Variants in ERC2 observed in about 807,000 individuals in gnomAD.
The protein encoded by ERC2 is ERC protein 2.
Under a neutral mutation model 114.8 loss-of-function variants are expected in ERC2, and 42 were observed. That is an observed-to-expected ratio of 0.37 (90% CI 0.29 to 0.47). The LOEUF (loss-of-function observed/expected upper bound fraction) is 0.47, where lower values mean the gene tolerates loss of function less well. ERC2 is among the 20% of genes least tolerant of loss of function. ERC2 has a pLI of 0.99. For missense variants in ERC2, 939 were observed against 1,150.7 expected (o/e 0.82, Z 2.66); for synonymous variants, 454 against 425.5 (o/e 1.07, Z -0.82).
At chr3:56,092,539 T>G (rs1210434703) in intron 6 of ERC2, among the ~76,000 whole-genome samples, 2 of 152,206 alleles carry the variant, frequency 1.3e-5, no homozygotes, top group East Asian at 3.9e-4. Flanking sequence ...TTTTCGTTAA[T>G]AAAACTTCCA....
At chr3:55,778,837 A>G (rs2068800643) in intron 14 of ERC2, among the ~76,000 whole-genome samples, 1 of 152,180 alleles carries the variant, frequency 6.6e-6, no homozygotes, top group Non-Finnish European at 1.5e-5. Flanking sequence ...AACAACAACA[A>G]GTAAAACAAT....
chr3:55,602,672 G>A (rs2058459217), intron 17 of ERC2, among the ~76,000 whole-genome samples: 1 of 152,172 alleles, frequency 6.6e-6, no homozygotes, highest in South Asian at 2.1e-4. Flanking sequence ...CAGCTCCCCG[G>A]GGACATTTTC....
chr3:55,696,340 T>C (rs1405287012), intron 16 of ERC2, among the ~76,000 whole-genome samples: 1 of 152,168 alleles, frequency 6.6e-6, no homozygotes, highest in Non-Finnish European at 1.5e-5. Context: ...CATAAGTCAT[T>C]GTTGGTCAAG....
intron 14 of ERC2, among the ~76,000 whole-genome samples, chr3:55,873,113 T>G (rs1177975731): frequency 1.3e-5 from 2 of 152,120 alleles, no homozygotes; most frequent in Non-Finnish European, 2.9e-5. Flanking sequence ...TGAGAAACCC[T>G]GGACTAGAGC....
chr3:56,354,938 G>C (rs1046570392), intron 2 of ERC2, among the ~76,000 whole-genome samples: 1 of 152,148 alleles, frequency 6.6e-6, no homozygotes, highest in Non-Finnish European at 1.5e-5. Flanking sequence ...TAAATCTCTG[G>C]TTTAGAAAAA....
chr3:56,460,797 C>T (rs1485587661), intron 1 of ERC2, among the ~76,000 whole-genome samples: 1 of 152,162 alleles, frequency 6.6e-6, no homozygotes, highest in African/African-American at 2.4e-5. Flanking sequence ...CATTATTCCT[C>T]TCTAAGCCAC....
intron 17 of ERC2, among the ~76,000 whole-genome samples, chr3:55,570,359 C>T (rs1204210858): frequency 2.6e-5 from 4 of 152,130 alleles, no homozygotes; most frequent in South Asian, 2.1e-4. Context: ...AGCATGGTCA[C>T]GGTAGGAAGT....
At chr3:55,835,477 T>A (rs952727527) in intron 14 of ERC2, among the ~76,000 whole-genome samples, 1 of 152,186 alleles carries the variant, frequency 6.6e-6, no homozygotes, top group African/African-American at 2.4e-5. Flanking sequence ...TAATCCAGCA[T>A]ATAAACAGAA....
chr3:55,754,605 TA>T lies in ERC2; in HGVS notation c.2565-19688del, dbSNP rs36051892. Reference sequence around the variant, plus strand: ...GCTATGACAGTTATCCATTCTTACATAAAAAAAAAAATTTAAATCTCACAAG... The same window carrying T: ...GCTATGACAGTTATCCATTCTTACATAAAAAAAAAATTTAAATCTCACAAG... On this transcript the variant is annotated intron_variant, in intron 14 of 17. Transcript: ENST00000288221. 2.7e-3 allele frequency among the ~76,000 whole-genome samples: 257 copies of T among 94,194 alleles called. 5 individuals carry two copies. In the East Asian group the frequency reaches 0.039, roughly 14 times the overall value. The allele number at this position is 94,194 out of a possible 152,430, so 61.8% of individuals were successfully genotyped here. A position where few individuals can be genotyped will look rare whatever the true frequency, so the allele number is the denominator to read the frequency against.
At chr3:56,120,797 G>T (rs1413706592) in intron 6 of ERC2, among the ~76,000 whole-genome samples, 2 of 152,282 alleles carry the variant, frequency 1.3e-5, no homozygotes, top group East Asian at 3.9e-4. Flanking sequence ...TAAGAGCAGG[G>T]ATCAGCAAAC....
intron 4 of ERC2, among the ~76,000 whole-genome samples, chr3:56,156,978 CCTACA>C: frequency 6.6e-6 from 1 of 152,138 alleles, no homozygotes; most frequent in Admixed American, 6.5e-5. Flanking sequence ...GTATTGATTA[CCTACA>C]CAAGCACTGT....
chr3:55,528,469 A>G (rs1348303216), intron 17 of ERC2, among the ~76,000 whole-genome samples: 1 of 152,204 alleles, frequency 6.6e-6, no homozygotes, highest in Non-Finnish European at 1.5e-5. Context: ...ATGAGCTGCC[A>G]TTCGCTGAAT....
At chr3:55,686,165 C>T (rs2062322066) in intron 16 of ERC2, among the ~76,000 whole-genome samples, 1 of 152,066 alleles carries the variant, frequency 6.6e-6, no homozygotes, top group Non-Finnish European at 1.5e-5. Context: ...AAGGGGCTCC[C>T]AGATGTCGAG....
chr3:56,342,593 A>G (rs1275798915), intron 2 of ERC2, among the ~76,000 whole-genome samples: 1 of 152,202 alleles, frequency 6.6e-6, no homozygotes, highest in African/African-American at 2.4e-5. Context: ...GTGTACCAGG[A>G]TGGACACAGA....
chr3:56,183,508 C>T (rs1157631009), intron 3 of ERC2, among the ~76,000 whole-genome samples: 1 of 152,194 alleles, frequency 6.6e-6, no homozygotes, highest in Non-Finnish European at 1.5e-5. Context: ...TGTTTTTGCT[C>T]TTTAATGATT....
At chr3:55,825,440 C>A (rs1481021277) in intron 14 of ERC2, among the ~76,000 whole-genome samples, 1 of 152,182 alleles carries the variant, frequency 6.6e-6, no homozygotes, top group East Asian at 1.9e-4. Flanking sequence ...ACACAATGTC[C>A]AAATTTTCCA....
intron 17 of ERC2, among the ~76,000 whole-genome samples, chr3:55,637,507 C>CT (rs1196395854): frequency 6.6e-6 from 1 of 152,188 alleles, no homozygotes; most frequent in African/African-American, 2.4e-5. Flanking sequence ...GGAGCAGAGA[C>CT]TGGCATCCAG....
intron 14 of ERC2, among the ~76,000 whole-genome samples, chr3:55,853,155 C>T (rs1297648473): frequency 2.0e-5 from 3 of 152,180 alleles, no homozygotes; most frequent in Non-Finnish European, 4.4e-5. Context: ...CACCCACCCT[C>T]GACCGTCCAA....
intron 6 of ERC2, among the ~76,000 whole-genome samples, chr3:56,134,920 G>T (rs9849528): frequency 9.1e-5 from 13 of 143,082 alleles, no homozygotes; most frequent in East Asian, 6.0e-4. Flanking sequence ...CTTTTTTTTT[G>T]TTTTTTTTTG....
Sources: allele counts gnomAD v4.1 joint callset (sites outside exome capture counted in the v4.1 genomes callset), GRCh38; gene constraint gnomAD v4.1.1; transcripts MANE v1.5; gene names NCBI Gene and HGNC (gene_info 2026-07-23, HGNC 2026-07-21).